AKAP7: variants seen among roughly 807,000 people sequenced by gnomAD.
AKAP7 encodes A kinase (PRKA) anchor protein 7.
In AKAP7, 39 loss-of-function variants were observed where a neutral mutation model predicts 39.5. The observed-to-expected ratio is 0.99, with a 90% confidence interval of 0.76 to 1.29. The LOEUF (loss-of-function observed/expected upper bound fraction) is 1.29. AKAP7 is among the 50% of genes most tolerant of loss of function. AKAP7 has a pLI of 0.00. For synonymous variants in AKAP7, 140 were observed against 139.1 expected, an observed-to-expected ratio of 1.01 and a Z score of -0.05; for missense variants, 414 against 407.7, an observed-to-expected ratio of 1.02 and a Z score of -0.13.
At chr6:131,224,692 G>A (rs1809995314) in intron 7 of AKAP7, among the ~76,000 whole-genome samples, 2 of 124,610 alleles carry the variant, frequency 1.6e-5, no homozygotes, top group African/African-American at 6.3e-5. Flanking sequence ...AAATCAGTTA[G>A]TATATATGCT....
chr6:131,222,883 T>C (rs965736365), intron 7 of AKAP7, among the ~76,000 whole-genome samples: 1 of 152,112 alleles, frequency 6.6e-6, no homozygotes, highest in African/African-American at 2.4e-5. Context: ...GAAGAGTCGA[T>C]TGATGCAGCA....
chr6:131,153,193 C>A (rs1802098037), intron 2 of AKAP7, among the ~76,000 whole-genome samples: 1 of 151,136 alleles, frequency 6.6e-6, no homozygotes. Flanking sequence ...GATAAATCAG[C>A]AGGGCTCACG....
intron 7 of AKAP7, among the ~76,000 whole-genome samples, chr6:131,238,423 T>G (rs1008246608): frequency 3.3e-5 from 5 of 152,204 alleles, no homozygotes; most frequent in African/African-American, 1.2e-4. Context: ...CTATTAGGTC[T>G]GCTTGGTGCA....
chr6:131,261,695 T>C (rs970623005), intron 7 of AKAP7, among the ~76,000 whole-genome samples: 2 of 152,196 alleles, frequency 1.3e-5, no homozygotes, highest in Admixed American at 1.3e-4. Flanking sequence ...AATACGCATT[T>C]TTTTCTAAAA....
At chr6:131,128,173 T>TA in the AKAP7 span, among the ~76,000 whole-genome samples, 1 of 151,900 alleles carries the variant, frequency 6.6e-6, no homozygotes, top group South Asian at 2.1e-4. Flanking sequence ...AAATAAAAGT[T>TA]AAAAATATAA....
In AKAP7 at chr6:131,283,215, G is replaced by A. The variant is rs1046754891; in HGVS notation, c.*1489G>A. On this transcript the variant is annotated 3_prime_UTR_variant, in exon 8 of 8. Transcript: ENST00000431975. ...CATGTTTGGGATTTTTATTTTTTAC[G>A]TGTCCGAAGATAAGCTCCAGGTCTT... is the stretch of plus-strand genomic sequence containing the variant. The A allele has an allele frequency of 2.0e-5, 3 of 152,232 alleles. No individual in the cohort carries two copies. Among genetic ancestry groups the A allele is most frequent in the African/African-American group, 2.4e-5 (1 of 41,320 alleles). The allele number at this position is 152,232 out of a possible 1,614,324, so 9.4% of individuals were successfully genotyped here.
chr6:131,279,349 AC>A (rs1221182129), intron 7 of AKAP7, among the ~76,000 whole-genome samples: 3 of 152,112 alleles, frequency 2.0e-5, no homozygotes, highest in African/African-American at 7.2e-5. Context: ...GCTCACTGCA[AC>A]CTCTGCCTCC....
intron 5 of AKAP7, among the ~76,000 whole-genome samples, chr6:131,180,754 T>C (rs777972485): frequency 4.6e-5 from 7 of 152,104 alleles, no homozygotes; most frequent in Non-Finnish European, 8.8e-5. Context: ...TGCTCTAGAT[T>C]TATTCATACA....
chr6:131,176,607 C>T (rs1804608763), intron 5 of AKAP7, among the ~76,000 whole-genome samples: 1 of 151,888 alleles, frequency 6.6e-6, no homozygotes, highest in African/African-American at 2.4e-5. Flanking sequence ...ATTCTAAGTA[C>T]ATTTATCTCA....
chr6:131,247,773 A>G (rs1223843527), intron 7 of AKAP7, among the ~76,000 whole-genome samples: 1 of 152,034 alleles, frequency 6.6e-6, no homozygotes, highest in Non-Finnish European at 1.5e-5. Flanking sequence ...GGACTAAGGC[A>G]TGTGCCACTA....
chr6:131,222,144 T>C (rs1809753430), intron 7 of AKAP7, among the ~76,000 whole-genome samples: 1 of 152,126 alleles, frequency 6.6e-6, no homozygotes, highest in Non-Finnish European at 1.5e-5. Context: ...AACAGGAGTT[T>C]GGAAGAAGTT....
At chr6:131,209,999 T>C (rs938324007) in intron 6 of AKAP7, among the ~76,000 whole-genome samples, 1 of 152,240 alleles carries the variant, frequency 6.6e-6, no homozygotes, top group African/African-American at 2.4e-5. Flanking sequence ...GCTGGAATTA[T>C]TTGGATGGCA....
At chr6:131,167,374 C>T (rs1016969882) in intron 4 of AKAP7, among the ~76,000 whole-genome samples, 3 of 152,016 alleles carry the variant, frequency 2.0e-5, no homozygotes, top group Admixed American at 1.3e-4. Context: ...TAAAGAATAA[C>T]GACATAGAAT....
chr6:131,201,954 A>G (rs1008727169), intron 6 of AKAP7, among the ~76,000 whole-genome samples: 11 of 152,250 alleles, frequency 7.2e-5, no homozygotes, highest in African/African-American at 2.7e-4. Flanking sequence ...GGTGAAGGAC[A>G]TGAACAGGCA....
Position 131,160,089 on chromosome 6 carries a change from G to T in AKAP7, c.182G>T (p.Arg61Ile). The T allele has an allele frequency of 6.3e-7, 1 of 1,594,000 alleles. No individual in the cohort carries two copies. Among genetic ancestry groups the T allele is most frequent in the Non-Finnish European group, 8.5e-7 (1 of 1,174,980 alleles). The change falls in exon 3 of 8, where the codon AGA (arginine) becomes ATA (isoleucine). Residue 61 changes from arginine to isoleucine, a missense_variant. By Grantham distance (97) the Arg-to-Ile change is moderately conservative (BLOSUM62 -3). Transcript: ENST00000431975. Reference sequence around the variant, plus strand: ...GATGAACCTCAAATAAATTTGAAGAGAAGTCAAGAAAATGAATGGGTCAAG... The same window carrying T: ...GATGAACCTCAAATAAATTTGAAGATAAGTCAAGAAAATGAATGGGTCAAG... ...ITDEPQINLK[R>I]SQENEWVKSD...
intron 5 of AKAP7, among the ~76,000 whole-genome samples, chr6:131,171,289 T>C (rs1489721230): frequency 6.6e-6 from 1 of 151,968 alleles, no homozygotes; most frequent in Non-Finnish European, 1.5e-5. Flanking sequence ...AGGCACAGAG[T>C]ATAGCAGGCA....
At chr6:131,130,702 T>C (rs563390818), upstream of AKAP7, among the ~76,000 whole-genome samples, 169 of 152,266 alleles carry the variant, frequency 1.1e-3, 1 homozygote, top group African/African-American at 3.9e-3. Context: ...CAGAGGACTT[T>C]CCGGAGTCAA....
chr6:131,171,413 T>A (rs1407155878), intron 5 of AKAP7, among the ~76,000 whole-genome samples: 2 of 152,222 alleles, frequency 1.3e-5, no homozygotes, highest in East Asian at 3.9e-4. Context: ...GAGGAGTGTA[T>A]CCTGGGTAGA....
chr6:131,131,650 C>A (rs563330180), upstream of AKAP7, among the ~76,000 whole-genome samples: 2 of 151,902 alleles, frequency 1.3e-5, no homozygotes, highest in African/African-American at 4.8e-5. Context: ...CTTCTAGTGG[C>A]GTAAAGTCTA....
Sources: allele counts gnomAD v4.1 joint callset (sites outside exome capture counted in the v4.1 genomes callset), GRCh38; gene constraint gnomAD v4.1.1; transcripts MANE v1.5; gene names NCBI Gene and HGNC (gene_info 2026-07-23, HGNC 2026-07-21).